Variants in LMBRD1 observed in about 807,000 individuals in gnomAD.
LMBRD1 encodes lysosomal cobalamin transport escort protein LMBD1.
In LMBRD1, 64 loss-of-function variants were observed where a neutral mutation model predicts 74.8. The observed-to-expected ratio is 0.86, with a 90% CI of 0.70 to 1.05. The LOEUF (loss-of-function observed/expected upper bound fraction) is 1.05. Ranked by LOEUF, LMBRD1 falls within the 50% of genes least tolerant of loss-of-function variation. LMBRD1 has a pLI of 0.00. For missense variants in LMBRD1, 652 were observed against 645.9 expected, an observed-to-expected ratio of 1.01 and a Z score of -0.10; for synonymous variants, 204 against 216.3, an observed-to-expected ratio of 0.94 and a Z score of 0.50.
chr6:69,691,910 G>T (rs1268657729), intron 14 of LMBRD1, among the ~76,000 whole-genome samples: 3 of 150,730 alleles, frequency 2.0e-5, no homozygotes, highest in Non-Finnish European at 4.4e-5. Flanking sequence ...AGAAAGCTTG[G>T]TAAACAAATT....
intron 6 of LMBRD1, among the ~76,000 whole-genome samples, chr6:69,740,730 T>C (rs1014183621): frequency 6.6e-6 from 1 of 152,172 alleles, no homozygotes; most frequent in African/African-American, 2.4e-5. Flanking sequence ...CCTATTAGAA[T>C]AGTCAAAAAA....
At chr6:69,688,402 A>T (rs3799099) in intron 14 of LMBRD1, among the ~76,000 whole-genome samples, 53,855 of 146,484 alleles carry the variant, frequency 0.37, 10,238 homozygotes, top group East Asian at 0.54. Flanking sequence ...AAGGGCAGAG[A>T]TTTTTTTTTT....
At chr6:69,697,985 C>G (rs1766043676) in intron 13 of LMBRD1, among the ~76,000 whole-genome samples, 1 of 152,036 alleles carries the variant, frequency 6.6e-6, no homozygotes, top group South Asian at 2.1e-4. Context: ...AAAGCATAAT[C>G]TTCCTTCATT....
rs543578220 is a variant in LMBRD1, at chr6:69,729,976, A to G, written c.636+7966T>C. 2.6e-5 allele frequency among the ~76,000 whole-genome samples: 4 copies of G among 152,058 alleles called. No individual in the cohort carries two copies. The South Asian group carries it at 6.2e-4, about 24-fold the overall frequency. On this transcript the variant is annotated intron_variant, in intron 7 of 15. Transcript: ENST00000649934. ...ACTTCAGACTTTTTTTTTAATGTACAAAAAGGCTATCCTTTTCAGAAACAC... is the reference window on the plus strand; with the variant it reads ...ACTTCAGACTTTTTTTTTAATGTACGAAAAGGCTATCCTTTTCAGAAACAC...
chr6:69,691,114 A>G (rs1490370205), intron 14 of LMBRD1, among the ~76,000 whole-genome samples: 2 of 143,660 alleles, frequency 1.4e-5, no homozygotes, highest in African/African-American at 5.1e-5. Context: ...AACCATTTCC[A>G]TTATATTTAA....
chr6:69,703,898 G>T (rs1457500553), intron 9 of LMBRD1, among the ~76,000 whole-genome samples: 1 of 151,992 alleles, frequency 6.6e-6, no homozygotes, highest in African/African-American at 2.4e-5. Context: ...AATTTCTCTT[G>T]AACGAGGTCT....
Position 69,676,526 on chromosome 6 carries a change from G to C in LMBRD1, c.1433C>G (p.Thr478Ser). ...ADAPEDQCTVTRTYLFLHKFW... is the reference protein window; with the variant it reads ...ADAPEDQCTVSRTYLFLHKFW... ...CTTGTGAAGGAATAGGTATGTCCGG[G>C]TAACAGTACACTGATCTGTGAAAGC... is the stretch of plus-strand genomic sequence containing the variant. Residue 478 changes from threonine to serine, a missense_variant, in exon 15 of 16, where the codon ACC (threonine) becomes AGC (serine). This residue lies in a region of LMBRD1 where 598 missense variants were observed against 581.8 expected (regional missense o/e 1.03). Coordinates refer to ENST00000649934, the MANE Select transcript of LMBRD1 (RefSeq NM_018368.4). 1 of 1,612,602 alleles carries C rather than the reference G, an allele frequency of 6.2e-7. No homozygotes were observed. Among genetic ancestry groups the C allele is most frequent in the Non-Finnish European group, 8.5e-7 (1 of 1,178,884 alleles).
intron 1 of LMBRD1, among the ~76,000 whole-genome samples, chr6:69,795,835 A>G (rs1230212923): frequency 6.6e-6 from 1 of 152,216 alleles, no homozygotes; most frequent in African/African-American, 2.4e-5. Context: ...AGAACATACT[A>G]CATAGGTACC....
chr6:69,772,206 G>A (rs1199711944), intron 3 of LMBRD1, among the ~76,000 whole-genome samples: 1 of 152,176 alleles, frequency 6.6e-6, no homozygotes, highest in Non-Finnish European at 1.5e-5. Context: ...TGGGCATATA[G>A]GTGATATTTA....
chr6:69,764,928 CT>C (rs149970766), intron 3 of LMBRD1, among the ~76,000 whole-genome samples: 52,037 of 142,878 alleles, frequency 0.36, 9,623 homozygotes, highest in East Asian at 0.54. Flanking sequence ...AATTTCTTTT[CT>C]TTTTTTTTTT....
At chr6:69,747,902 T>C (rs1025151792) in intron 5 of LMBRD1, among the ~76,000 whole-genome samples, 5 of 152,242 alleles carry the variant, frequency 3.3e-5, no homozygotes, top group Admixed American at 6.5e-5. Context: ...TCAAGACCTT[T>C]TGTCAATCAG....
At chr6:69,725,950 G>A (rs1466566419) in intron 7 of LMBRD1, among the ~76,000 whole-genome samples, 1 of 151,998 alleles carries the variant, frequency 6.6e-6, no homozygotes. Flanking sequence ...TAGGAGACAA[G>A]GCACAGAATG....
chr6:69,728,603 T>C (rs1414135623), intron 7 of LMBRD1, among the ~76,000 whole-genome samples: 2 of 152,224 alleles, frequency 1.3e-5, no homozygotes, highest in Non-Finnish European at 2.9e-5. Context: ...CCTTTTGCTC[T>C]AGTCAGTATT....
chr6:69,733,546 C>T (rs1766908688), intron 7 of LMBRD1, among the ~76,000 whole-genome samples: 1 of 152,066 alleles, frequency 6.6e-6, no homozygotes. Flanking sequence ...TAAACAAACT[C>T]AACATTCATG....
intron 2 of LMBRD1, among the ~76,000 whole-genome samples, chr6:69,789,927 T>C (rs2149897542): frequency 6.6e-6 from 1 of 152,350 alleles, no homozygotes; most frequent in East Asian, 1.9e-4. Flanking sequence ...TACACCATAC[T>C]GACTCAAAGT....
At chr6:69,774,906 C>T (rs902925953) in intron 3 of LMBRD1, among the ~76,000 whole-genome samples, 4 of 146,190 alleles carry the variant, frequency 2.7e-5, no homozygotes, top group African/African-American at 1.0e-4. Flanking sequence ...TTACAATGAG[C>T]TATGATCACG....
At chr6:69,739,278 T>C (rs567588307) in intron 6 of LMBRD1, among the ~76,000 whole-genome samples, 67 of 152,184 alleles carry the variant, frequency 4.4e-4, no homozygotes, top group Non-Finnish European at 7.8e-4. Context: ...GTCAAAATCA[T>C]CTGAACCAAA....
intron 14 of LMBRD1, among the ~76,000 whole-genome samples, chr6:69,686,022 A>C (rs1207042761): frequency 6.6e-6 from 1 of 152,148 alleles, no homozygotes; most frequent in African/African-American, 2.4e-5. Flanking sequence ...AAAACAAAAC[A>C]AAAAAACTCT....
intron 9 of LMBRD1, chr6:69,705,208 A>G: frequency 1.7e-6 from 1 of 590,070 alleles, no homozygotes; most frequent in Non-Finnish European, 3.2e-6. Flanking sequence ...TCTGCATTAT[A>G]AAAAGGACAG....
Sources: gnomAD v4.1 joint callset for allele counts (sites outside exome capture counted in the v4.1 genomes callset) on GRCh38, gnomAD v4.1.1 for gene constraint, gnomAD v4.1.1 regional missense constraint, MANE v1.5 for transcripts, NCBI Gene and HGNC (gene_info 2026-07-23, HGNC 2026-07-21) for gene names.